PARD3B: variants seen among roughly 807,000 people sequenced by gnomAD.
The protein encoded by PARD3B is partitioning defective 3 homolog B.
In PARD3B, 103 loss-of-function variants were observed where a neutral mutation model predicts 130.2. The observed-to-expected ratio is 0.79, with a 90% CI of 0.67 to 0.93. The LOEUF (loss-of-function observed/expected upper bound fraction) is 0.93, where lower values mean the gene tolerates loss of function less well. Ranked by LOEUF, PARD3B falls within the 40% of genes least tolerant of loss-of-function variation. The pLI is 0.00. For missense variants in PARD3B, 1,609 were observed against 1,499.2 expected (o/e 1.07, Z -1.21); for synonymous variants, 583 against 553.2 (o/e 1.05, Z -0.76).
At chr2:204,694,177 A>G (rs2037500244) in intron 2 of PARD3B, among the ~76,000 whole-genome samples, 1 of 152,102 alleles carries the variant, frequency 6.6e-6, no homozygotes, top group African/African-American at 2.4e-5. Flanking sequence ...CCTGCTGTTC[A>G]GTTCTTATGA....
chr2:204,841,960 A>G (rs1239422170), intron 2 of PARD3B, among the ~76,000 whole-genome samples: 1 of 152,180 alleles, frequency 6.6e-6, no homozygotes, highest in South Asian at 2.1e-4. Context: ...AACTCAATTT[A>G]GATGAGTTCA....
chr2:205,077,812 T>C (rs1701166627), intron 4 of PARD3B, among the ~76,000 whole-genome samples: 1 of 152,160 alleles, frequency 6.6e-6, no homozygotes, highest in Admixed American at 6.5e-5. Flanking sequence ...GACTGTTCAG[T>C]TGAATACCTG....
At chr2:205,399,890 GTGAT>G (rs1574923865) in intron 18 of PARD3B, among the ~76,000 whole-genome samples, 1 of 152,122 alleles carries the variant, frequency 6.6e-6, no homozygotes, top group Admixed American at 6.5e-5. Context: ...GCATTAGAGA[GTGAT>G]TGTGCATAAA....
chr2:204,930,455 A>G (rs539489591), intron 2 of PARD3B, among the ~76,000 whole-genome samples: 110 of 152,152 alleles, frequency 7.2e-4, no homozygotes, highest in Middle Eastern at 3.4e-3. Context: ...TATTATTTTT[A>G]TTATTTTTAC....
chr2:205,167,605 A>G (rs1559503372), intron 11 of PARD3B, among the ~76,000 whole-genome samples: 2 of 152,242 alleles, frequency 1.3e-5, no homozygotes, highest in Non-Finnish European at 2.9e-5. Flanking sequence ...CAGGGTTTCT[A>G]TAAGGAGTAA....
At chr2:204,910,182 A>C (rs1280222562) in intron 2 of PARD3B, among the ~76,000 whole-genome samples, 2 of 152,210 alleles carry the variant, frequency 1.3e-5, no homozygotes, top group African/African-American at 4.8e-5. Flanking sequence ...GCAGTTGGCA[A>C]ATAAGTAAGA....
chr2:205,153,295 AC>A (rs2033888435), intron 10 of PARD3B, among the ~76,000 whole-genome samples: 1 of 152,176 alleles, frequency 6.6e-6, no homozygotes. Flanking sequence ...TGCTGAGAGA[AC>A]CACTGCTCTC....
At chr2:205,340,096 C>G (rs1261604613) in intron 18 of PARD3B, among the ~76,000 whole-genome samples, 1 of 151,986 alleles carries the variant, frequency 6.6e-6, no homozygotes, top group African/African-American at 2.4e-5. Flanking sequence ...AATGAATCCC[C>G]CTGTTAAATG....
chr2:204,815,199 C>T (rs1399812124), intron 2 of PARD3B, among the ~76,000 whole-genome samples: 3 of 151,848 alleles, frequency 2.0e-5, no homozygotes, highest in African/African-American at 7.2e-5. Context: ...AATTCAATTA[C>T]TTTAATATAT....
chr2:205,117,950 T>TACACACACACAC, intron 6 of PARD3B, among the ~76,000 whole-genome samples: 1 of 4,732 alleles, frequency 2.1e-4, no homozygotes, highest in Non-Finnish European at 1.3e-3. Context: ...CACACACACA[T>TACACACACACAC]ATTTTAATTC....
In PARD3B at chr2:204,998,312, GTATATATA is replaced by G. The variant is rs771546892; in HGVS notation, c.394+33029_394+33036del. Among the ~76,000 whole-genome samples the G allele has an allele frequency of 3.1e-3, 159 of 51,970 alleles. 2 individuals are homozygous for G. The highest frequency in any genetic ancestry group is 0.022 in the Middle Eastern group (2 of 90). The allele number at this position is 51,970 out of a possible 152,430, so 34.1% of individuals were successfully genotyped here. A position where few individuals can be genotyped will look rare whatever the true frequency, so the allele number is the denominator to read the frequency against. On this transcript the variant is annotated intron_variant, in intron 3 of 22. Transcript: ENST00000406610. ...CTGCACATGTATCCCAGAACTTAAA[GTATATATA>G]TATATATATATATATATATATATAT...
chr2:204,866,714 T>G (rs1215871560), intron 2 of PARD3B, among the ~76,000 whole-genome samples: 1 of 151,764 alleles, frequency 6.6e-6, no homozygotes, highest in East Asian at 1.9e-4. Flanking sequence ...TGTATGTATA[T>G]GTGTGTGTGT....
chr2:205,545,623 GC>G (rs1455283481), intron 21 of PARD3B, among the ~76,000 whole-genome samples: 1 of 152,078 alleles, frequency 6.6e-6, no homozygotes, highest in Non-Finnish European at 1.5e-5. Context: ...ACTTTGCTTG[GC>G]CTCTCCATCA....
chr2:205,248,896 C>T (rs1482479162), intron 16 of PARD3B, among the ~76,000 whole-genome samples: 1 of 151,834 alleles, frequency 6.6e-6, no homozygotes, highest in Admixed American at 6.6e-5. Context: ...CGTGAGCCAC[C>T]GCGCCCAGCC....
intron 15 of PARD3B, among the ~76,000 whole-genome samples, chr2:205,222,084 C>T (rs773638287): frequency 5.3e-5 from 8 of 151,394 alleles, no homozygotes; most frequent in Admixed American, 2.0e-4. Flanking sequence ...CAAACCTCTA[C>T]ATGCGCCTCT....
chr2:205,431,880 T>C (rs948684691), intron 19 of PARD3B, among the ~76,000 whole-genome samples: 5 of 152,208 alleles, frequency 3.3e-5, no homozygotes, highest in African/African-American at 1.2e-4. Context: ...ATTCAATTCC[T>C]ACCATTTAGT....
chr2:205,585,516 G>A lies in PARD3B; in HGVS notation c.3261-29940G>A, dbSNP rs1226329573. The stretch of plus-strand genomic sequence containing the variant: ...GAATCGGCAGGCATTTATTTAAATG[G>A]GATCAGTTAGGGAGGGAGCAGGCCA... On this transcript the variant is annotated intron_variant, in intron 22 of 22. Coordinates refer to ENST00000406610, the MANE Select transcript of PARD3B (RefSeq NM_001302769.2). The surrounding 1 kb of genome is among the most constrained non-coding windows in gnomAD (Gnocchi z 5.4). 6.6e-6 allele frequency among the ~76,000 whole-genome samples: 1 copy of A among 152,162 alleles called. No individual in the cohort carries two copies. The highest frequency in any genetic ancestry group is 2.4e-5 in the African/African-American group (1 of 41,436).
At position 205,183,949 on chromosome 2, in the gene PARD3B, T is replaced by C. The variant is rs770642741; in HGVS notation, c.1925-1815T>C. Among the ~76,000 whole-genome samples, 1 of 152,038 alleles carries C rather than the reference T, an allele frequency of 6.6e-6. No individual in the cohort carries two copies. Among genetic ancestry groups the C allele is most frequent in the Non-Finnish European group, 1.5e-5 (1 of 67,996 alleles). On this transcript the variant is annotated intron_variant, in intron 13 of 22. Coordinates refer to ENST00000406610, the MANE Select transcript of PARD3B (RefSeq NM_001302769.2). This position sits in a 1 kb window ranked among gnomAD's most constrained non-coding sequence, Gnocchi z 5.2. Reference sequence around the variant, plus strand: ...GGTTTCAGTCTGAAGACAAACGGGCTTGAGACTCAGGAAGAACTGATGTTT... The same window carrying C: ...GGTTTCAGTCTGAAGACAAACGGGCCTGAGACTCAGGAAGAACTGATGTTT...
intron 2 of PARD3B, among the ~76,000 whole-genome samples, chr2:204,812,954 A>G (rs1238248810): frequency 1.3e-5 from 2 of 152,146 alleles, no homozygotes; most frequent in Non-Finnish European, 2.9e-5. Flanking sequence ...ATTCTAACAC[A>G]TTCACCTATT....
Sources: allele counts gnomAD v4.1 joint callset (sites outside exome capture counted in the v4.1 genomes callset), GRCh38; gene constraint gnomAD v4.1.1; non-coding constraint Gnocchi (gnomAD v3.1); transcripts MANE v1.5; gene names NCBI Gene and HGNC (gene_info 2026-07-23, HGNC 2026-07-21).